The following TLCD4 variants were observed in gnomAD, a reference collection of about 807,000 sequenced individuals.
TLCD4 encodes TLC domain-containing protein 4.
In TLCD4, 7 loss-of-function variants were observed where a neutral mutation model predicts 24.2. That is an observed-to-expected ratio of 0.29 (90% CI 0.16 to 0.54). The LOEUF (loss-of-function observed/expected upper bound fraction) is 0.54. Ranked by LOEUF, TLCD4 falls within the 20% of genes least tolerant of loss-of-function variation. TLCD4 has a pLI of 0.95. For missense variants in TLCD4, 259 were observed against 313.9 expected (o/e 0.82, Z 1.32); for synonymous variants, 103 against 106.4 (o/e 0.97, Z 0.20).
At chr1:95,185,071 T>C (rs1678783306) in intron 6 of TLCD4, among the ~76,000 whole-genome samples, 1 of 152,032 alleles carries the variant, frequency 6.6e-6, no homozygotes, top group Admixed American at 6.6e-5. Flanking sequence ...TTAGGGTACA[T>C]GTGCACATAT....
chr1:95,113,589 T>G (rs1328657187), upstream of TLCD4, among the ~76,000 whole-genome samples: 3 of 152,210 alleles, frequency 2.0e-5, no homozygotes, highest in Non-Finnish European at 4.4e-5. Flanking sequence ...GGCCGGGGGC[T>G]GATGGCACTC....
At chr1:95,147,450 G>C (rs879599401) in intron 2 of TLCD4, among the ~76,000 whole-genome samples, 3 of 152,128 alleles carry the variant, frequency 2.0e-5, no homozygotes, top group Non-Finnish European at 4.4e-5. Context: ...AGATAAATTG[G>C]ATTAATTATT....
rs1238436393 is a variant in TLCD4 at position 95,150,084 on chromosome 1, T to C, written c.246-124T>C. 15 of 1,318,716 alleles carry C rather than the reference T, an allele frequency of 1.1e-5. No individual in the cohort carries two copies. In the Admixed American group the frequency reaches 2.5e-4, roughly 22 times the overall value. The allele number at this position is 1,318,716 out of a possible 1,614,324, so 81.7% of individuals were successfully genotyped here. A position where few individuals can be genotyped will look rare whatever the true frequency, so the allele number is the denominator to read the frequency against. ...TGTGTTTTGCAATTTTATTTGAAGA[T>C]GACAGCTTACCATTTGAGAATCTAT... On this transcript the variant is annotated intron_variant, in intron 3 of 6. Transcript: ENST00000370203.
intron 1 of TLCD4, among the ~76,000 whole-genome samples, chr1:95,120,525 G>C (rs1676542318): frequency 6.6e-6 from 1 of 152,214 alleles, no homozygotes; most frequent in South Asian, 2.1e-4. Context: ...CACGGAGAAG[G>C]CAATGGATAT....
chr1:95,146,628 A>G (rs1405570734), intron 2 of TLCD4, among the ~76,000 whole-genome samples: 3 of 152,116 alleles, frequency 2.0e-5, no homozygotes, highest in Non-Finnish European at 1.5e-5. Flanking sequence ...TTCCTTTGCT[A>G]GGAATCTGAT....
intron 6 of TLCD4, among the ~76,000 whole-genome samples, chr1:95,181,761 A>G (rs746475469): frequency 6.6e-6 from 1 of 151,666 alleles, no homozygotes; most frequent in Non-Finnish European, 1.5e-5. Flanking sequence ...AGTAGCTGGG[A>G]TTACTATGCC....
At chr1:95,092,930 G>A in the TLCD4 span, among the ~76,000 whole-genome samples, 2 of 152,166 alleles carry the variant, frequency 1.3e-5, no homozygotes, top group Non-Finnish European at 2.9e-5. Context: ...GTAGAGACAG[G>A]GTTTCCCCAT....
In TLCD4 at chr1:95,192,111, C is replaced by G; in HGVS notation, c.*243C>G. 1 of 714,992 alleles carries G rather than the reference C, an allele frequency of 1.4e-6. No individual in the cohort carries two copies. The highest frequency in any genetic ancestry group is 2.0e-6 in the Non-Finnish European group (1 of 508,454). 44.3% of individuals were successfully genotyped at this position (714,992 alleles called of 1,614,324 possible). On this transcript the variant is annotated 3_prime_UTR_variant, in exon 7 of 7. Coordinates refer to ENST00000370203, the MANE Select transcript of TLCD4 (RefSeq NM_152487.3). Reference sequence around the variant, plus strand: ...AGGAGTTCGAGACTAGCTTGGCCAACATGGTGAAACCTCATCTCTACTAAA... The same window carrying G: ...AGGAGTTCGAGACTAGCTTGGCCAAGATGGTGAAACCTCATCTCTACTAAA...
intron 6 of TLCD4, among the ~76,000 whole-genome samples, chr1:95,176,646 G>A (rs1678440935): frequency 6.6e-6 from 1 of 152,160 alleles, no homozygotes. Context: ...AGATTTTAAA[G>A]TTGATGAAGT....
At chr1:95,151,738 T>C (rs1160458117) in intron 5 of TLCD4, among the ~76,000 whole-genome samples, 5 of 152,172 alleles carry the variant, frequency 3.3e-5, no homozygotes, top group Non-Finnish European at 5.9e-5. Context: ...GATGCATTTA[T>C]GATTTAACAG....
chr1:95,191,988 A>AT lies in TLCD4; in HGVS notation c.*128dup, dbSNP rs948203220. On this transcript the variant is annotated 3_prime_UTR_variant, in exon 7 of 7. Transcript: ENST00000370203. ...AATTGTTATTCAGGATTTCAGTGTC[A>AT]TTTTTTTTAAACCTTAGAAAAGAGA... 67 of 1,450,640 alleles carry AT rather than the reference A, an allele frequency of 4.6e-5. No homozygotes were observed. In the East Asian group the frequency reaches 4.7e-4, roughly 10 times the overall value. The allele number at this position is 1,450,640 out of a possible 1,614,324, so 89.9% of individuals were successfully genotyped here.
the TLCD4 span, among the ~76,000 whole-genome samples, chr1:95,105,684 A>G: frequency 1.3e-5 from 2 of 152,060 alleles, no homozygotes; most frequent in African/African-American, 4.8e-5. Context: ...TCACGAGGCC[A>G]GGAGATCGAG....
chr1:95,187,439 G>A (rs1353844756), intron 6 of TLCD4, among the ~76,000 whole-genome samples: 3 of 152,174 alleles, frequency 2.0e-5, no homozygotes, highest in Admixed American at 6.5e-5. Context: ...TGACCTTGAC[G>A]GTTTTGAGGA....
upstream of TLCD4, among the ~76,000 whole-genome samples, chr1:95,114,015 T>C (rs1557673390): frequency 6.6e-6 from 1 of 152,172 alleles, no homozygotes; most frequent in East Asian, 1.9e-4. Context: ...TGAAATAGTT[T>C]CATCTGAAAA....
intron 1 of TLCD4, among the ~76,000 whole-genome samples, chr1:95,133,786 T>C (rs1216412550): frequency 6.6e-6 from 1 of 152,052 alleles, no homozygotes; most frequent in Non-Finnish European, 1.5e-5. Context: ...ACACACTGGC[T>C]TCAACCTTCT....
rs1164428619 is a variant in TLCD4 at position 95,191,918 on chromosome 1, A to ATAGGATGAATTCTTGGCATGTT, written c.*51_*72dup. The ATAGGATGAATTCTTGGCATGTT allele has an allele frequency of 1.9e-6, 3 of 1,561,172 alleles. No homozygotes were observed. In the African/African-American group the frequency reaches 4.1e-5, roughly 21 times the overall value. On this transcript the variant is annotated 3_prime_UTR_variant, in exon 7 of 7. Transcript: ENST00000370203. ...TCATTACTACCCAGCATATCTGCTG[A>ATAGGATGAATTCTTGGCATGTT]TAGGATGAATTCTTGGCATGTTCTT...
chr1:95,157,891 A>C (rs970539311), intron 5 of TLCD4, among the ~76,000 whole-genome samples: 23 of 152,218 alleles, frequency 1.5e-4, no homozygotes, highest in African/African-American at 5.5e-4. Flanking sequence ...TTCAGATTTA[A>C]GAGGTAGGAA....
At position 95,150,225 on chromosome 1, in the gene TLCD4, C is replaced by G. The variant is rs746297558; in HGVS notation, c.263C>G (p.Ala88Gly). 2.5e-6 allele frequency: 4 copies of G among 1,608,398 alleles called. No homozygotes were observed. The South Asian group carries it at 4.4e-5, about 18-fold the overall frequency. ...ADPLWGGPSL[A>G]NVNIAIASGY... is the part of the protein sequence containing the mutation. ...TTTTTCAGGGGTGGTCCATCACTTG[C>G]AAACGTGAATATTGCTATTGCCTCA... The change falls in exon 4 of 7, where the codon GCA (alanine) becomes GGA (glycine). Residue 88 changes from alanine to glycine, a missense_variant. Ala to Gly is a moderately conservative substitution (Grantham distance 60). Transcript: ENST00000370203.
intron 6 of TLCD4, among the ~76,000 whole-genome samples, chr1:95,175,180 C>T (rs1461595260): frequency 2.0e-5 from 3 of 152,314 alleles, no homozygotes; most frequent in East Asian, 1.9e-4. Flanking sequence ...TGAAACTCTA[C>T]GCCCATTAAA....
Sources: gnomAD v4.1 joint callset for allele counts (sites outside exome capture counted in the v4.1 genomes callset) on GRCh38, gnomAD v4.1.1 for gene constraint, MANE v1.5 for transcripts, NCBI Gene and HGNC (gene_info 2026-07-23, HGNC 2026-07-21) for gene names.